PTPRT: variants seen among roughly 807,000 people sequenced by gnomAD.
The protein encoded by PTPRT is receptor-type tyrosine-protein phosphatase T.
Under a neutral mutation model 176.8 loss-of-function variants are expected in PTPRT, and 56 were observed. The ratio of observed to expected loss-of-function variants is 0.32; its 90% confidence interval spans 0.26 to 0.40. The LOEUF (loss-of-function observed/expected upper bound fraction) is 0.40, where lower values mean the gene tolerates loss of function less well. PTPRT is among the 10% of genes least tolerant of loss of function. PTPRT has a pLI of 1.00. For synonymous variants in PTPRT, 783 were observed against 739.0 expected (o/e 1.06, Z -0.96); for missense variants, 1,540 against 1,908.2 (o/e 0.81, Z 3.60).
chr20:42,332,897 G>T (rs1257239512), intron 11 of PTPRT, among the ~76,000 whole-genome samples: 5 of 152,148 alleles, frequency 3.3e-5, no homozygotes, highest in Admixed American at 3.3e-4. Flanking sequence ...ATAAATCCAT[G>T]AATATTTTTC....
the PTPRT span, among the ~76,000 whole-genome samples, chr20:42,038,842 A>G: frequency 6.6e-6 from 1 of 152,184 alleles, no homozygotes; most frequent in East Asian, 1.9e-4. Context: ...GTGCTGCATC[A>G]GCAGAGACTG....
intron 7 of PTPRT, among the ~76,000 whole-genome samples, chr20:42,521,821 G>A (rs140788925): frequency 5.3e-5 from 8 of 152,148 alleles, no homozygotes; most frequent in Non-Finnish European, 8.8e-5. Context: ...ACAAAGCATT[G>A]CTGCCAAAAG....
At chr20:42,591,251 C>A (rs567603527) in intron 7 of PTPRT, among the ~76,000 whole-genome samples, 4 of 151,472 alleles carry the variant, frequency 2.6e-5, no homozygotes, top group African/African-American at 9.7e-5. Context: ...TGTGTAATGC[C>A]AAAAGAAAAA....
chr20:42,047,554 A>T, the PTPRT span, among the ~76,000 whole-genome samples: 1 of 152,158 alleles, frequency 6.6e-6, no homozygotes, highest in Non-Finnish European at 1.5e-5. Flanking sequence ...ATAATGGTTG[A>T]TTTTGCATTT....
chr20:42,497,727 T>A (rs939131814), intron 7 of PTPRT, among the ~76,000 whole-genome samples: 2 of 152,188 alleles, frequency 1.3e-5, no homozygotes, highest in Non-Finnish European at 2.9e-5. Context: ...TCCAATGATA[T>A]TAGAGTCTAC....
intron 7 of PTPRT, among the ~76,000 whole-genome samples, chr20:42,584,643 T>C (rs977986248): frequency 6.6e-6 from 1 of 152,192 alleles, no homozygotes; most frequent in Non-Finnish European, 1.5e-5. Flanking sequence ...TTAATATTTA[T>C]ATGTTTATTG....
Position 42,098,644 on chromosome 20 carries a change from G to A in PTPRT, c.3715-92C>T, listed in dbSNP as rs541665016. On this transcript the variant is annotated intron_variant, in intron 26 of 30. Transcript: ENST00000373187. ...GCCTGGACTGAGGCCAGAGGCTCCAGAGCCTGCCAAATAGATTATACAAAA... is the reference window on the plus strand; with the variant it reads ...GCCTGGACTGAGGCCAGAGGCTCCAAAGCCTGCCAAATAGATTATACAAAA... The A allele has an allele frequency of 5.9e-6, 9 of 1,524,518 alleles. No homozygotes were observed. The African/African-American group carries it at 1.2e-4, about 21-fold the overall frequency. 94.4% of individuals were successfully genotyped at this position (1,524,518 alleles called of 1,614,324 possible).
At chr20:43,106,666 GAAAAAA>G (rs71193676) in intron 1 of PTPRT, among the ~76,000 whole-genome samples, 4 of 87,014 alleles carry the variant, frequency 4.6e-5, no homozygotes, top group African/African-American at 1.9e-4. Flanking sequence ...CTCAAAAAAA[GAAAAAA>G]AAAAAAAAAA....
intron 7 of PTPRT, among the ~76,000 whole-genome samples, chr20:42,561,946 G>A (rs922193457): frequency 6.6e-5 from 10 of 152,048 alleles, no homozygotes; most frequent in East Asian, 1.9e-4. Flanking sequence ...ACCTCCATCC[G>A]ATTGGTGATG....
chr20:42,789,707 TA>T (rs1569158333), intron 3 of PTPRT, among the ~76,000 whole-genome samples: 1 of 152,176 alleles, frequency 6.6e-6, no homozygotes, highest in African/African-American at 2.4e-5. Context: ...AACATTATTC[TA>T]AAAGGAAATC....
intron 6 of PTPRT, among the ~76,000 whole-genome samples, chr20:42,719,650 G>A (rs2076276838): frequency 6.6e-6 from 1 of 152,212 alleles, no homozygotes; most frequent in South Asian, 2.1e-4. Context: ...CAATGCATAT[G>A]AAGTGTTTAG....
chr20:42,748,338 T>C (rs901358669), intron 6 of PTPRT, among the ~76,000 whole-genome samples: 3 of 152,180 alleles, frequency 2.0e-5, no homozygotes, highest in African/African-American at 7.2e-5. Flanking sequence ...CTCTGATCAC[T>C]GGGTGATATA....
chr20:42,630,947 G>A (rs1166855642), intron 7 of PTPRT, among the ~76,000 whole-genome samples: 1 of 152,120 alleles, frequency 6.6e-6, no homozygotes, highest in Non-Finnish European at 1.5e-5. Flanking sequence ...TGGTACCATG[G>A]AAGTAATCTT....
chr20:42,480,305 A>G (rs1053614462), intron 7 of PTPRT, among the ~76,000 whole-genome samples: 1 of 152,206 alleles, frequency 6.6e-6, no homozygotes, highest in Non-Finnish European at 1.5e-5. Context: ...GGTACTAAAT[A>G]CAGTTGCACT....
chr20:42,963,012 C>G (rs1479298747), intron 1 of PTPRT, among the ~76,000 whole-genome samples: 1 of 152,032 alleles, frequency 6.6e-6, no homozygotes, highest in African/African-American at 2.4e-5. Flanking sequence ...TCCTGGCTAA[C>G]ATGGTGAAAC....
chr20:42,258,994 C>T (rs1454232311), intron 13 of PTPRT, among the ~76,000 whole-genome samples: 1 of 152,228 alleles, frequency 6.6e-6, no homozygotes, highest in Non-Finnish European at 1.5e-5. Context: ...ACAGCCTATA[C>T]AACTAAAACT....
chr20:42,172,946 G>T (rs1990139760), intron 16 of PTPRT, among the ~76,000 whole-genome samples: 1 of 152,122 alleles, frequency 6.6e-6, no homozygotes, highest in South Asian at 2.1e-4. Context: ...CTCCGCTAGG[G>T]ATCGACAAAC....
intron 1 of PTPRT, among the ~76,000 whole-genome samples, chr20:42,897,038 A>G (rs892839568): frequency 6.6e-6 from 1 of 152,188 alleles, no homozygotes; most frequent in Non-Finnish European, 1.5e-5. Flanking sequence ...CCTTCACACC[A>G]TTACATCTAA....
chr20:42,122,452 G>A (rs1181013710), intron 19 of PTPRT, among the ~76,000 whole-genome samples: 1 of 152,182 alleles, frequency 6.6e-6, no homozygotes, highest in Non-Finnish European at 1.5e-5. Context: ...GGGGTAGGAA[G>A]ACCTATCCCT....
Sources: gnomAD v4.1 joint callset for allele counts (sites outside exome capture counted in the v4.1 genomes callset) on GRCh38, gnomAD v4.1.1 for gene constraint, MANE v1.5 for transcripts, NCBI Gene and HGNC (gene_info 2026-07-23, HGNC 2026-07-21) for gene names.